KLF12: variants seen among roughly 807,000 people sequenced by gnomAD.
The protein encoded by KLF12 is Krueppel-like factor 12.
In KLF12, 9 loss-of-function variants were observed where a neutral mutation model predicts 37.8. The observed-to-expected ratio is 0.24, with a 90% CI of 0.14 to 0.42. The LOEUF (loss-of-function observed/expected upper bound fraction) is 0.42, where lower values mean the gene tolerates loss of function less well. KLF12 is among the 10% of genes least tolerant of loss of function. KLF12 has a pLI of 1.00. For missense variants in KLF12, 411 were observed against 516.0 expected (o/e 0.80, Z 1.97); for synonymous variants, 208 against 202.1 (o/e 1.03, Z -0.25).
At chr13:73,892,922 T>C (rs572421814) in intron 3 of KLF12, among the ~76,000 whole-genome samples, 3 of 152,262 alleles carry the variant, frequency 2.0e-5, no homozygotes, top group South Asian at 2.1e-4. Context: ...CAATAATACA[T>C]TGCTTTTGTT....
At chr13:74,176,471 A>G in the KLF12 span, among the ~76,000 whole-genome samples, 2 of 152,084 alleles carry the variant, frequency 1.3e-5, no homozygotes, top group Admixed American at 6.5e-5. Flanking sequence ...CTCACCTCCA[A>G]TAACTTATAA....
chr13:73,822,141 A>T (rs1883563076), intron 4 of KLF12, among the ~76,000 whole-genome samples: 1 of 152,218 alleles, frequency 6.6e-6, no homozygotes, highest in South Asian at 2.1e-4. Flanking sequence ...TAATGATGCA[A>T]GTGTCTAGCT....
the KLF12 span, among the ~76,000 whole-genome samples, chr13:74,227,970 C>G: frequency 6.6e-6 from 1 of 152,118 alleles, no homozygotes; most frequent in South Asian, 2.1e-4. Context: ...CTTAGACGAG[C>G]CAAAGATCAG....
intron 4 of KLF12, among the ~76,000 whole-genome samples, chr13:73,820,793 C>T (rs985590071): frequency 6.6e-6 from 1 of 152,228 alleles, no homozygotes; most frequent in Non-Finnish European, 1.5e-5. Context: ...AGTGCAAGGT[C>T]CACTTCTCAG....
chr13:74,019,023 T>C (rs556186978), intron 1 of KLF12, among the ~76,000 whole-genome samples: 17 of 152,288 alleles, frequency 1.1e-4, no homozygotes, highest in African/African-American at 4.1e-4. Flanking sequence ...TGTATTTTTT[T>C]AAAGCTTGGA....
chr13:74,218,004 T>G, the KLF12 span, among the ~76,000 whole-genome samples: 3 of 152,204 alleles, frequency 2.0e-5, no homozygotes, highest in Non-Finnish European at 4.4e-5. Flanking sequence ...CAGTGATATA[T>G]TCAGATTGGA....
In KLF12 at chr13:73,810,989, T is replaced by C. The variant is rs866819571; in HGVS notation, c.806+2163A>G. ...TTTTTTTAATTTTTCTTTCTTTTTT[T>C]TTTTTTTTTTTTTTTTTTAGGAGTC... On this transcript the variant is annotated intron_variant, in intron 5 of 7. Coordinates refer to ENST00000377669, the MANE Select transcript of KLF12 (RefSeq NM_007249.5). Among the ~76,000 whole-genome samples the C allele has an allele frequency of 8.8e-3, 1,118 of 126,758 alleles. 30 individuals carry two copies. The highest frequency in any genetic ancestry group is 0.031 in the African/African-American group (1,035 of 32,948). The allele number at this position is 126,758 out of a possible 152,430, so 83.2% of individuals were successfully genotyped here.
rs67487546 is a variant in KLF12 at position 74,112,384 on chromosome 13, T to TTGTGTGTGTGTG, written c.-32+21354_-32+21355insCACACACACACA. Reference sequence around the variant, plus strand: ...TCCATTTTACTGCACTTTGCAGATATTGTCTGTGTGTGTGTGTGTGTGTGT... The same window carrying TTGTGTGTGTGTG: ...TCCATTTTACTGCACTTTGCAGATATTGTGTGTGTGTGTGTCTGTGTGTGTGTGTGTGTGTGT... On this transcript the variant is annotated intron_variant, in intron 1 of 7. Transcript: ENST00000377669. 1.4e-3 allele frequency among the ~76,000 whole-genome samples: 197 copies of TTGTGTGTGTGTG among 145,280 alleles called. 1 individual carries two copies. Among genetic ancestry groups the TTGTGTGTGTGTG allele is most frequent in the Admixed American group, 3.8e-3 (55 of 14,616 alleles).
the KLF12 span, among the ~76,000 whole-genome samples, chr13:74,185,204 A>G: frequency 7.0e-4 from 107 of 152,340 alleles, no homozygotes; most frequent in African/African-American, 2.4e-3. Context: ...AAACTATAAC[A>G]CAATAAATAT....
Position 74,075,516 on chromosome 13 carries a change from C to T in KLF12, c.-32+58223G>A, listed in dbSNP as rs532037102. Among the ~76,000 whole-genome samples, 8 of 152,282 alleles carry T rather than the reference C, an allele frequency of 5.3e-5. No homozygotes were observed. The East Asian group carries it at 1.5e-3, about 29-fold the overall frequency. ...AATCTCTGGGGAGTAGGTAAAGGTACTGGTATTTTTAAATACTCATGTGAT... is the reference window on the plus strand; with the variant it reads ...AATCTCTGGGGAGTAGGTAAAGGTATTGGTATTTTTAAATACTCATGTGAT... On this transcript the variant is annotated intron_variant, in intron 1 of 7. Transcript: ENST00000377669.
chr13:74,063,088 T>C (rs1873704312), intron 1 of KLF12, among the ~76,000 whole-genome samples: 2 of 152,164 alleles, frequency 1.3e-5, no homozygotes. Flanking sequence ...GTGCCGCACC[T>C]CCAGCTGCCT....
chr13:73,718,839 A>AACTCCAATCTTGGCTCACT (rs1225071663), intron 6 of KLF12, among the ~76,000 whole-genome samples: 4 of 152,226 alleles, frequency 2.6e-5, no homozygotes, highest in Non-Finnish European at 4.4e-5. Flanking sequence ...GGTTGCAGTG[A>AACTCCAATCTTGGCTCACT]GCCAAGATCA....
At chr13:74,099,685 CCTG>C (rs1338030125) in intron 1 of KLF12, among the ~76,000 whole-genome samples, 7 of 152,138 alleles carry the variant, frequency 4.6e-5, no homozygotes, top group African/African-American at 1.4e-4. Flanking sequence ...TCCACAGCAC[CCTG>C]CTATTTCCAT....
At chr13:73,825,321 G>C (rs1883775252) in intron 4 of KLF12, among the ~76,000 whole-genome samples, 1 of 152,144 alleles carries the variant, frequency 6.6e-6, no homozygotes, top group Non-Finnish European at 1.5e-5. Flanking sequence ...GGCTTGTTTA[G>C]GGAGGTGGCA....
chr13:74,241,725 C>T, the KLF12 span, among the ~76,000 whole-genome samples: 34 of 150,586 alleles, frequency 2.3e-4, no homozygotes, highest in Non-Finnish European at 2.4e-4. Context: ...AGGTGCCGTC[C>T]GTCACCCCTT....
At chr13:73,932,560 G>T (rs377121383) in intron 3 of KLF12, among the ~76,000 whole-genome samples, 7 of 152,266 alleles carry the variant, frequency 4.6e-5, no homozygotes, top group African/African-American at 1.7e-4. Flanking sequence ...TCTAGAAGGT[G>T]AATCTAATAT....
chr13:74,062,264 G>A (rs1376286690), intron 1 of KLF12, among the ~76,000 whole-genome samples: 1 of 152,240 alleles, frequency 6.6e-6, no homozygotes, highest in East Asian at 1.9e-4. Context: ...AGCTCAAAAT[G>A]AGTTAATTTC....
At chr13:73,849,375 TAAAAAAA>T (rs574332239) in intron 3 of KLF12, among the ~76,000 whole-genome samples, 27 of 98,960 alleles carry the variant, frequency 2.7e-4, no homozygotes, top group Admixed American at 3.3e-4. Context: ...GGAGACTCCA[TAAAAAAA>T]AAAAAAAAAA....
chr13:74,298,447 C>T, the KLF12 span, among the ~76,000 whole-genome samples: 1 of 152,180 alleles, frequency 6.6e-6, no homozygotes, highest in Non-Finnish European at 1.5e-5. Flanking sequence ...TCAAATGCTC[C>T]ACAGCCACAT....
Sources: gnomAD v4.1 joint callset for allele counts (sites outside exome capture counted in the v4.1 genomes callset) on GRCh38, gnomAD v4.1.1 for gene constraint, MANE v1.5 for transcripts, NCBI Gene and HGNC (gene_info 2026-07-23, HGNC 2026-07-21) for gene names.